The following UBAP2 variants were observed in gnomAD, a reference collection of about 807,000 sequenced individuals.
UBAP2 encodes ubiquitin associated protein 2.
A neutral mutation model predicts 139.6 loss-of-function variants in UBAP2; 75 were observed. The observed-to-expected ratio is 0.54, with a 90% confidence interval of 0.45 to 0.65. The LOEUF (loss-of-function observed/expected upper bound fraction) is 0.65, where lower values mean the gene tolerates loss of function less well. Among genes scored for constraint, UBAP2 ranks in the 30% least tolerant of loss-of-function variants. The pLI, the probability that UBAP2 is intolerant of heterozygous loss-of-function variation, is 0.00. For missense variants in UBAP2, 1,368 were observed against 1,369.6 expected, an observed-to-expected ratio of 1.00 and a Z score of 0.02; for synonymous variants, 526 against 526.2, an observed-to-expected ratio of 1.00 and a Z score of 0.01.
intron 6 of UBAP2, among the ~76,000 whole-genome samples, chr9:33,979,072 A>G (rs566745570): frequency 6.6e-6 from 1 of 152,126 alleles, no homozygotes; most frequent in South Asian, 2.1e-4. Context: ...ACCTGCCTAC[A>G]ATGCTTTTGA....
At chr9:33,927,289 G>C (rs1478571385) in intron 20 of UBAP2, among the ~76,000 whole-genome samples, 2 of 152,182 alleles carry the variant, frequency 1.3e-5, no homozygotes, top group Non-Finnish European at 2.9e-5. Flanking sequence ...CAACGTCAGA[G>C]AGTTCCGGGC....
At chr9:33,924,735 G>A (rs778616705) in intron 22 of UBAP2, among the ~76,000 whole-genome samples, 8 of 152,174 alleles carry the variant, frequency 5.3e-5, no homozygotes, top group Non-Finnish European at 1.0e-4. Context: ...GTAGGCACGG[G>A]AATAAGCAGG....
At chr9:33,933,349 T>G (rs1824168883) in intron 18 of UBAP2, 141 bp downstream of exon 18, 9 of 1,026,674 alleles carry the variant, frequency 8.8e-6, no homozygotes, top group Non-Finnish European at 1.2e-5. Flanking sequence ...GGCCAAAACC[T>G]AAGCTACAGT....
chr9:33,954,269 T>TACACACACACACACACACGC (rs1826358148), intron 11 of UBAP2, among the ~76,000 whole-genome samples: 1 of 139,810 alleles, frequency 7.2e-6, no homozygotes, highest in Non-Finnish European at 1.5e-5. Context: ...TGTGTGTATA[T>TACACACACACACACACACGC]ACACACACAC....
intron 6 of UBAP2, among the ~76,000 whole-genome samples, chr9:33,979,278 T>A (rs933753419): frequency 6.6e-6 from 1 of 152,114 alleles, no homozygotes; most frequent in Non-Finnish European, 1.5e-5. Flanking sequence ...CTTGACTCAA[T>A]CTCACCAAAA....
At chr9:33,963,965 T>TA (rs1827264149) in intron 8 of UBAP2, among the ~76,000 whole-genome samples, 174 bp from the exon 9 acceptor site, 1 of 152,210 alleles carries the variant, frequency 6.6e-6, no homozygotes, top group African/African-American at 2.4e-5. Flanking sequence ...TTATGAATCT[T>TA]ATCCTTGATG....
intron 20 of UBAP2, 113 bp downstream of exon 20, chr9:33,927,684 G>T: frequency 9.0e-7 from 1 of 1,113,738 alleles, no homozygotes; most frequent in Non-Finnish European, 1.3e-6. Flanking sequence ...GGAACACGCA[G>T]CGCACTCGGC....
intron 6 of UBAP2, among the ~76,000 whole-genome samples, chr9:33,980,228 T>TC (rs1324081134): frequency 2.5e-5 from 2 of 79,420 alleles, no homozygotes; most frequent in Non-Finnish European, 5.0e-5. Context: ...TTCTTTTTTT[T>TC]TTTTTTTTTT....
rs530865113 is a variant in UBAP2, at chr9:33,957,680, A to C, written c.799-1534T>G. Among the ~76,000 whole-genome samples the C allele has an allele frequency of 2.7e-3, 404 of 152,302 alleles. 3 individuals carry two copies. Among genetic ancestry groups the C allele is most frequent in the Admixed American group, 2.2e-3 (33 of 15,288 alleles). ...TTCAATGTGGGGACTCGGCTTTGAA[A>C]GGCTGGAAAATGTTGATCTAATGAG... On this transcript the variant is annotated intron_variant, in intron 10 of 28. Coordinates refer to ENST00000379238, the MANE Select transcript of UBAP2 (RefSeq NM_001370062.2).
intron 1 of UBAP2, among the ~76,000 whole-genome samples, chr9:34,048,153 G>T (rs900424618): frequency 1.3e-5 from 2 of 152,198 alleles, no homozygotes; most frequent in Admixed American, 6.6e-5. Flanking sequence ...ATGCACCAAT[G>T]AAAGAATAAC....
chr9:34,036,957 T>C (rs185920126), intron 1 of UBAP2, among the ~76,000 whole-genome samples: 6 of 149,546 alleles, frequency 4.0e-5, no homozygotes, highest in African/African-American at 1.5e-4. Flanking sequence ...GGTGGGACTA[T>C]AGGCATGTGC....
chr9:33,973,399 C>T (rs1166048743), intron 6 of UBAP2, among the ~76,000 whole-genome samples, 162 bp from the exon 7 acceptor site: 3 of 152,196 alleles, frequency 2.0e-5, no homozygotes, highest in Non-Finnish European at 4.4e-5. Flanking sequence ...CCTGCTGATA[C>T]AACTACCTAT....
intron 9 of UBAP2, among the ~76,000 whole-genome samples, chr9:33,962,223 TA>T (rs1827100266): frequency 6.6e-6 from 1 of 152,214 alleles, no homozygotes; most frequent in South Asian, 2.1e-4. Context: ...AAATATACAT[TA>T]TTTTTTCTAA....
chr9:33,982,927 C>T (rs527591038), intron 6 of UBAP2, among the ~76,000 whole-genome samples: 77 of 151,036 alleles, frequency 5.1e-4, no homozygotes, highest in Non-Finnish European at 1.5e-5. Context: ...TCACCCAGGC[C>T]GGAGTGCCAT....
chr9:34,044,913 A>G (rs549149082), intron 1 of UBAP2, among the ~76,000 whole-genome samples: 144 of 152,242 alleles, frequency 9.5e-4, no homozygotes, highest in Non-Finnish European at 1.6e-3. Context: ...TCTTAAATAA[A>G]ACACCTACTC....
intron 2 of UBAP2, among the ~76,000 whole-genome samples, chr9:34,001,615 T>C (rs1019441530): frequency 5.3e-5 from 8 of 152,236 alleles, no homozygotes; most frequent in African/African-American, 1.9e-4. Flanking sequence ...CCACTGACTC[T>C]AAATTTAGTT....
rs1171324297 is a variant in UBAP2, at chr9:33,922,984, A to T, written c.3054T>A (p.Ser1018=). Residue 1018 remains serine (S), a synonymous_variant, in exon 27 of 29, where the codon TCT becomes TCA. Transcript: ENST00000379238. ...STTGLPDMTG[S]VYNKTQTFDK... is the part of the protein sequence containing the mutation. ...CCCTCACCTGTGTCTTATTGTAGAC[A>T]GAACCAGTCATATCAGGTAGACCAG... 1.2e-6 allele frequency: 2 copies of T among 1,614,080 alleles called. No homozygotes were observed. The highest frequency in any genetic ancestry group is 4.5e-5 in the East Asian group (2 of 44,886).
At chr9:34,039,067 G>A (rs1485010677) in intron 1 of UBAP2, among the ~76,000 whole-genome samples, 1 of 150,824 alleles carries the variant, frequency 6.6e-6, no homozygotes, top group Non-Finnish European at 1.5e-5. Flanking sequence ...TGGGAAGTGA[G>A]GAGCCCCTCC....
chr9:34,002,615 A>G (rs1587642273), intron 2 of UBAP2, among the ~76,000 whole-genome samples: 1 of 152,052 alleles, frequency 6.6e-6, no homozygotes. Flanking sequence ...TGACCTCATG[A>G]TCCGCCCACC....
Sources: allele counts gnomAD v4.1 joint callset (sites outside exome capture counted in the v4.1 genomes callset), GRCh38; gene constraint gnomAD v4.1.1; transcripts MANE v1.5; gene names NCBI Gene and HGNC (gene_info 2026-07-23, HGNC 2026-07-21).